STAC: variants seen among roughly 807,000 people sequenced by gnomAD.
The protein encoded by STAC is SH3 and cysteine rich domain, also known as SH3 and cysteine-rich domain-containing protein.
In STAC, 43 loss-of-function variants were observed where a neutral mutation model predicts 48.8. The observed-to-expected ratio is 0.88, with a 90% CI of 0.69 to 1.14. The LOEUF (loss-of-function observed/expected upper bound fraction) is 1.14. Among genes scored for constraint, STAC ranks in the 50% most tolerant of loss-of-function variants. The probability of loss-of-function intolerance (pLI) is 0.00; values close to 1 mark genes in which losing one functional copy is unlikely to be tolerated. For synonymous variants in STAC, 193 were observed against 179.5 expected, an observed-to-expected ratio of 1.07 and a Z score of -0.60; for missense variants, 497 against 504.0, an observed-to-expected ratio of 0.99 and a Z score of 0.13.
chr3:36,532,551 A>C (rs1699096923), intron 10 of STAC, among the ~76,000 whole-genome samples: 1 of 152,140 alleles, frequency 6.6e-6, no homozygotes, highest in African/African-American at 2.4e-5. Context: ...ACTTGCCTGC[A>C]CACTCCCCAA....
intron 10 of STAC, among the ~76,000 whole-genome samples, chr3:36,533,670 A>G (rs930290062): frequency 4.0e-5 from 6 of 151,176 alleles, no homozygotes; most frequent in African/African-American, 1.5e-4. Context: ...ATTCCCCACA[A>G]TTTTTTTTCT....
chr3:36,390,491 C>A (rs1392623288), intron 1 of STAC, among the ~76,000 whole-genome samples: 5 of 42,082 alleles, frequency 1.2e-4, no homozygotes, highest in African/African-American at 4.2e-4. Flanking sequence ...GTCTCTTTAT[C>A]TGATGGATTA....
intron 10 of STAC, among the ~76,000 whole-genome samples, chr3:36,543,498 A>G (rs1385305400): frequency 6.6e-6 from 1 of 152,182 alleles, no homozygotes; most frequent in African/African-American, 2.4e-5. Context: ...ACAAAGCATG[A>G]ACCATTGTGC....
At chr3:36,499,922 C>T (rs555530495) in intron 6 of STAC, among the ~76,000 whole-genome samples, 62 of 151,572 alleles carry the variant, frequency 4.1e-4, no homozygotes, top group Non-Finnish European at 8.2e-4. Context: ...ACCAAGAAAG[C>T]ATTACTAGAA....
At chr3:36,411,736 C>T (rs1052479455) in intron 1 of STAC, among the ~76,000 whole-genome samples, 27 of 152,270 alleles carry the variant, frequency 1.8e-4, no homozygotes, top group African/African-American at 6.5e-4. Flanking sequence ...GCTGTGAAGG[C>T]AGCACATATG....
At chr3:36,529,877 T>C (rs935383875) in intron 10 of STAC, among the ~76,000 whole-genome samples, 1 of 152,006 alleles carries the variant, frequency 6.6e-6, no homozygotes, top group Non-Finnish European at 1.5e-5. Flanking sequence ...ATCCCAGCAC[T>C]TTGGGAGGCC....
chr3:36,425,292 A>G (rs73061985), intron 1 of STAC, among the ~76,000 whole-genome samples: 3,537 of 152,330 alleles, frequency 0.023, 61 homozygotes, highest in East Asian at 0.026. Context: ...CTTTTGTCCT[A>G]GTCTTATGAA....
At chr3:36,444,267 A>T (rs1282181917) in intron 2 of STAC, among the ~76,000 whole-genome samples, 2 of 152,208 alleles carry the variant, frequency 1.3e-5, no homozygotes, top group African/African-American at 2.4e-5. Flanking sequence ...ACATTTAGGA[A>T]CAGTGCTTGT....
At chr3:36,445,127 G>A (rs915636084) in intron 2 of STAC, among the ~76,000 whole-genome samples, 2 of 152,114 alleles carry the variant, frequency 1.3e-5, no homozygotes, top group Admixed American at 1.3e-4. Flanking sequence ...CAGAGGATGT[G>A]TTTTTAAAAA....
At chr3:36,492,034 ATATATATATATATATATAT>A (rs1697997894) in intron 5 of STAC, among the ~76,000 whole-genome samples, 22 of 34,424 alleles carry the variant, frequency 6.4e-4, no homozygotes, top group African/African-American at 1.6e-3. Context: ...AAAAAAAAAT[ATATATATATATATATATAT>A]ATATATATAT....
intron 2 of STAC, among the ~76,000 whole-genome samples, chr3:36,474,513 G>A (rs1332131658): frequency 3.3e-5 from 5 of 152,216 alleles, no homozygotes; most frequent in African/African-American, 4.8e-5. Flanking sequence ...ATGGCTGGCA[G>A]AGGCAATGAG....
At chr3:36,435,088 G>A (rs1030649415) in intron 1 of STAC, among the ~76,000 whole-genome samples, 2 of 152,050 alleles carry the variant, frequency 1.3e-5, no homozygotes, top group African/African-American at 2.4e-5. Flanking sequence ...CCATTTTTCT[G>A]TTTTCTCATC....
intron 2 of STAC, among the ~76,000 whole-genome samples, chr3:36,476,517 A>G (rs9843416): frequency 0.71 from 108,264 of 152,010 alleles, 39,055 homozygotes; most frequent in Non-Finnish European, 0.77. Flanking sequence ...GAGGAACCCA[A>G]GGTTTCATGT....
chr3:36,424,794 CA>C (rs1700526239), intron 1 of STAC, among the ~76,000 whole-genome samples: 1 of 151,346 alleles, frequency 6.6e-6, no homozygotes, highest in Non-Finnish European at 1.5e-5. Flanking sequence ...ATTTGAGCAA[CA>C]AAATAAATAA....
intron 10 of STAC, among the ~76,000 whole-genome samples, chr3:36,539,323 T>C (rs920587033): frequency 6.6e-6 from 1 of 152,084 alleles, no homozygotes; most frequent in African/African-American, 2.4e-5. Flanking sequence ...CTAGCACCCA[T>C]TAGTTATTTT....
At chr3:36,494,257 C>T (rs568911667) in intron 6 of STAC, among the ~76,000 whole-genome samples, 79 of 151,688 alleles carry the variant, frequency 5.2e-4, no homozygotes, top group African/African-American at 1.9e-3. Flanking sequence ...TTTTGGACAT[C>T]AATAACTACT....
chr3:36,405,667 A>G (rs1199301528), intron 1 of STAC, among the ~76,000 whole-genome samples: 1 of 152,316 alleles, frequency 6.6e-6, no homozygotes, highest in East Asian at 1.9e-4. Flanking sequence ...ACTGTGAACT[A>G]CTGAATCCAT....
At chr3:36,536,041 T>A (rs890797740) in intron 10 of STAC, among the ~76,000 whole-genome samples, 1 of 152,070 alleles carries the variant, frequency 6.6e-6, no homozygotes, top group African/African-American at 2.4e-5. Context: ...TCAGAAGAAA[T>A]GGTACCAGCT....
At chr3:36,414,889 T>A (rs190121086) in intron 1 of STAC, among the ~76,000 whole-genome samples, 2,742 of 152,328 alleles carry the variant, frequency 0.018, 49 homozygotes, top group Non-Finnish European at 0.025. Flanking sequence ...CTTTTAACAC[T>A]CAGGACCCTC....
Sources: gnomAD v4.1 joint callset for allele counts (sites outside exome capture counted in the v4.1 genomes callset) on GRCh38, gnomAD v4.1.1 for gene constraint, MANE v1.5 for transcripts, NCBI Gene and HGNC (gene_info 2026-07-23, HGNC 2026-07-21) for gene names.